The following CATSPERE variants were observed in gnomAD, a reference collection of about 807,000 sequenced individuals.
The protein encoded by CATSPERE is catsper channel auxiliary subunit epsilon, also known as cation channel sperm-associated auxiliary subunit epsilon.
CATSPERE carries 93 observed loss-of-function variants against 114.1 expected under a neutral mutation model. The observed-to-expected ratio is 0.81, with a 90% CI of 0.69 to 0.97. CATSPERE has a LOEUF of 0.97. CATSPERE is among the 50% of genes least tolerant of loss of function. CATSPERE has a pLI of 0.00. For synonymous variants in CATSPERE, 341 were observed against 384.1 expected, an observed-to-expected ratio of 0.89 and a Z score of 1.31; for missense variants, 1,058 against 1,131.6, an observed-to-expected ratio of 0.93 and a Z score of 0.93.
At chr1:244,639,226 T>A (rs971984016) in intron 21 of CATSPERE, among the ~76,000 whole-genome samples, 1 of 152,206 alleles carries the variant, frequency 6.6e-6, no homozygotes, top group Non-Finnish European at 1.5e-5. Flanking sequence ...CCCTTCTCCC[T>A]TTGTCTGAAA....
At chr1:244,491,742 T>TA (rs1487525210) in intron 6 of CATSPERE, among the ~76,000 whole-genome samples, 1 of 151,826 alleles carries the variant, frequency 6.6e-6, no homozygotes, top group Non-Finnish European at 1.5e-5. Flanking sequence ...ATAGATGCAA[T>TA]AAAAAATGAT....
chr1:244,620,433 A>G (rs1240006637), intron 20 of CATSPERE, among the ~76,000 whole-genome samples: 1 of 152,200 alleles, frequency 6.6e-6, no homozygotes, highest in African/African-American at 2.4e-5. Flanking sequence ...ATAGAAGCAC[A>G]TTGAGTGGGT....
intron 20 of CATSPERE, among the ~76,000 whole-genome samples, chr1:244,620,876 AAGG>A (rs1234333941): frequency 6.6e-6 from 1 of 150,402 alleles, no homozygotes; most frequent in Non-Finnish European, 1.5e-5. Context: ...ATGTAGGACA[AAGG>A]AGGACAAGTG....
chr1:244,620,182 A>G (rs1200861475), intron 20 of CATSPERE, among the ~76,000 whole-genome samples: 2 of 152,214 alleles, frequency 1.3e-5, no homozygotes, highest in Non-Finnish European at 2.9e-5. Context: ...TCTCTCAGTG[A>G]GTCCAGTAGA....
chr1:244,588,245 G>A (rs1408311812), intron 13 of CATSPERE, among the ~76,000 whole-genome samples: 3 of 148,176 alleles, frequency 2.0e-5, no homozygotes, highest in Non-Finnish European at 3.0e-5. Flanking sequence ...AGACACAAAT[G>A]TAAGAAAGGA....
At chr1:244,556,468 T>C (rs1338316145) in intron 9 of CATSPERE, among the ~76,000 whole-genome samples, 1 of 152,116 alleles carries the variant, frequency 6.6e-6, no homozygotes, top group Non-Finnish European at 1.5e-5. Context: ...GCAGAGATTG[T>C]CAGATTGGAT....
intron 7 of CATSPERE, among the ~76,000 whole-genome samples, chr1:244,501,823 G>T (rs1324645080): frequency 2.0e-5 from 3 of 151,956 alleles, no homozygotes; most frequent in African/African-American, 7.3e-5. Context: ...TAACTCTTAG[G>T]CTCTTAATGT....
At chr1:244,464,004 G>T (rs1667210416) in intron 2 of CATSPERE, 48 bp downstream of exon 2, 1 of 1,333,940 alleles carries the variant, frequency 7.5e-7, no homozygotes, top group South Asian at 1.2e-5. Context: ...TAAATTTTTT[G>T]AACTTTAGAG....
intron 7 of CATSPERE, among the ~76,000 whole-genome samples, 176 bp from the exon 8 acceptor site, chr1:244,518,416 C>T (rs571814819): frequency 2.6e-5 from 4 of 152,168 alleles, no homozygotes; most frequent in East Asian, 1.9e-4. Context: ...TCATAAAGTT[C>T]GCATGGGGAG....
chr1:244,579,559 T>A (rs1174730602), intron 11 of CATSPERE, among the ~76,000 whole-genome samples: 1 of 152,120 alleles, frequency 6.6e-6, no homozygotes, highest in Admixed American at 6.6e-5. Flanking sequence ...TGAAAAAAAA[T>A]CCCATATATA....
At chr1:244,513,540 C>A (rs1051033349) in intron 7 of CATSPERE, among the ~76,000 whole-genome samples, 6 of 152,170 alleles carry the variant, frequency 3.9e-5, no homozygotes, top group Non-Finnish European at 8.8e-5. Flanking sequence ...GACCCCTAGG[C>A]TTCTGAATGA....
chr1:244,523,696 GACAA>G (rs1163198262), intron 8 of CATSPERE, among the ~76,000 whole-genome samples: 65 of 136,614 alleles, frequency 4.8e-4, no homozygotes, highest in Admixed American at 9.9e-4. Flanking sequence ...ACCAACAACA[GACAA>G]ACAAAGAGCC....
chr1:244,536,099 C>T (rs1680348097), intron 8 of CATSPERE, among the ~76,000 whole-genome samples: 2 of 151,932 alleles, frequency 1.3e-5, no homozygotes, highest in South Asian at 2.1e-4. Flanking sequence ...CTGCCCAGTG[C>T]CCTTTCTGCT....
At chr1:244,639,743 A>AT (rs1353714327) in intron 21 of CATSPERE, among the ~76,000 whole-genome samples, 185 bp from the exon 22 acceptor site, 1 of 150,700 alleles carries the variant, frequency 6.6e-6, no homozygotes, top group Non-Finnish European at 1.5e-5. Flanking sequence ...CACCTTGTCT[A>AT]TTTTCCTCCC....
intron 8 of CATSPERE, among the ~76,000 whole-genome samples, chr1:244,543,615 C>T (rs3005990): frequency 0.99 from 146,928 of 148,002 alleles, 72,941 homozygotes; most frequent in Middle Eastern, 1. Context: ...TGTATTTTAT[C>T]TTTATTTTAA....
At chr1:244,598,620 T>C in intron 17 of CATSPERE, 1 of 358,970 alleles carries the variant, frequency 2.8e-6, no homozygotes, top group Non-Finnish European at 5.8e-6. Context: ...CTTGCCTCCC[T>C]TTTCCACGGT....
intron 2 of CATSPERE, among the ~76,000 whole-genome samples, chr1:244,466,044 CTTAT>C (rs1462110927): frequency 2.0e-5 from 3 of 152,136 alleles, no homozygotes; most frequent in African/African-American, 7.2e-5. Flanking sequence ...ATAAGTGATA[CTTAT>C]AGTGAATTGT....
intron 7 of CATSPERE, among the ~76,000 whole-genome samples, chr1:244,506,873 T>C (rs1487756252): frequency 6.6e-6 from 1 of 152,156 alleles, no homozygotes; most frequent in African/African-American, 2.4e-5. Flanking sequence ...TCTAACTGTG[T>C]GTTTATATCC....
chr1:244,634,782 T>C (rs1674399945), intron 20 of CATSPERE, among the ~76,000 whole-genome samples: 1 of 152,250 alleles, frequency 6.6e-6, no homozygotes, highest in Admixed American at 6.5e-5. Flanking sequence ...GCTGTGAAGA[T>C]CAACTAAGAT....
Sources: gnomAD v4.1 joint callset for allele counts (sites outside exome capture counted in the v4.1 genomes callset) on GRCh38, gnomAD v4.1.1 for gene constraint, MANE v1.5 for transcripts, NCBI Gene and HGNC (gene_info 2026-07-23, HGNC 2026-07-21) for gene names.